CLCA1: variants seen among roughly 807,000 people sequenced by gnomAD.
CLCA1 encodes chloride channel accessory 1.
A neutral mutation model predicts 85.6 loss-of-function variants in CLCA1; 59 were observed. The observed-to-expected ratio is 0.69, with a 90% CI of 0.56 to 0.86. CLCA1 has a LOEUF of 0.86. Ranked by LOEUF, CLCA1 falls within the 40% of genes least tolerant of loss-of-function variation. The pLI, the probability that CLCA1 is intolerant of heterozygous loss-of-function variation, is 0.00. For synonymous variants in CLCA1, 396 were observed against 398.3 expected (o/e 0.99, Z 0.07); for missense variants, 1,022 against 1,101.4 (o/e 0.93, Z 1.02).
rs1039015841 is a variant in CLCA1, at chr1:86,469,408, G to A, written c.162+275G>A. Among the ~76,000 whole-genome samples the A allele has an allele frequency of 2.6e-5, 4 of 152,194 alleles. No homozygotes were observed. In the East Asian group the frequency reaches 7.7e-4, roughly 29 times the overall value. ...ATGTACTGCTGTGGATTATGTCACT[G>A]AAAATTATTTAGTTCTATAGTAAGG... On this transcript the variant is annotated intron_variant, in intron 1 of 13. Coordinates refer to ENST00000394711, the MANE Select transcript of CLCA1 (RefSeq NM_001285.4).
intron 1 of CLCA1, among the ~76,000 whole-genome samples, chr1:86,472,124 TC>T (rs1386087627): frequency 6.6e-6 from 1 of 152,168 alleles, no homozygotes; most frequent in African/African-American, 2.4e-5. Flanking sequence ...TGCCTATTTC[TC>T]CATTCCCCTT....
intron 12 of CLCA1, among the ~76,000 whole-genome samples, chr1:86,498,201 A>G (rs1267232263): frequency 7.3e-6 from 1 of 137,130 alleles, no homozygotes; most frequent in African/African-American, 2.9e-5. Flanking sequence ...GAAGGAAGGA[A>G]GGAAGGAAAA....
intron 3 of CLCA1, among the ~76,000 whole-genome samples, chr1:86,474,964 C>T (rs1647604343): frequency 6.6e-6 from 1 of 152,132 alleles, no homozygotes; most frequent in African/African-American, 2.4e-5. Context: ...AACAAAAGAA[C>T]GCTATCCAAG....
In CLCA1 at chr1:86,485,502, T is replaced by A; in HGVS notation, c.895T>A (p.Leu299Met). 1.9e-6 allele frequency: 3 copies of A among 1,614,170 alleles called. No homozygotes were observed. Among genetic ancestry groups the A allele is most frequent in the Non-Finnish European group, 2.5e-6 (3 of 1,180,024 alleles). ...ACAGCCACCAAATCCCACCTTCTCA[T>A]TGCTGCAGATTGGACAAAGAATTGT... ...TTQPPNPTFS[L>M]LQIGQRIVCL... The change falls in exon 6 of 14, where the codon TTG becomes ATG. Residue 299 changes from leucine (L) to methionine (M), a missense_variant. Physicochemically the swap from Leu to Met is conservative, Grantham distance 15. Transcript: ENST00000394711.
chr1:86,473,970 T>C, intron 3 of CLCA1, 94 bp downstream of exon 3: 2 of 844,832 alleles, frequency 2.4e-6, no homozygotes, highest in Non-Finnish European at 1.7e-6. Flanking sequence ...TAAGCATGTA[T>C]AAGCCAAACA....
chr1:86,476,481 G>A lies in CLCA1; in HGVS notation c.485G>A (p.Arg162Gln), dbSNP rs773390299. 17 of 1,605,244 alleles carry A rather than the reference G, an allele frequency of 1.1e-5. No homozygotes were observed. In the East Asian group the frequency reaches 1.3e-4, roughly 13 times the overall value. The stretch of plus-strand genomic sequence containing the variant: ...TTTGTCCATGAGTGGGCTCATCTAC[G>A]ATGGGGAGTATTTGACGAGTACAAT... The part of the protein sequence containing the change: ...RAFVHEWAHL[R>Q]WGVFDEYNND... The change falls in exon 4 of 14, where the codon CGA becomes CAA. Residue 162 changes from arginine (R) to glutamine (Q), a missense_variant. Transcript: ENST00000394711.
At chr1:86,482,023 A>G (rs1273298958) in intron 4 of CLCA1, among the ~76,000 whole-genome samples, 182 bp from the exon 5 acceptor site, 2 of 152,218 alleles carry the variant, frequency 1.3e-5, no homozygotes, top group African/African-American at 4.8e-5. Flanking sequence ...CCCCTCAGAT[A>G]CTTTCTGGCA....
At chr1:86,495,841 G>C (rs561502895) in intron 12 of CLCA1, among the ~76,000 whole-genome samples, 166 bp downstream of exon 12, 4 of 152,268 alleles carry the variant, frequency 2.6e-5, no homozygotes, top group Admixed American at 2.0e-4. Flanking sequence ...GGGCTATCCT[G>C]CACATTGTGG....
chr1:86,498,851 C>T (rs1225526349), intron 13 of CLCA1, 40 bp downstream of exon 13: 2 of 1,581,682 alleles, frequency 1.3e-6, no homozygotes, highest in Admixed American at 3.5e-5. Flanking sequence ...AAGAGTTTAC[C>T]AGCCAAGTAG....
At chr1:86,476,038 C>T (rs1647628164) in intron 3 of CLCA1, among the ~76,000 whole-genome samples, 2 of 152,112 alleles carry the variant, frequency 1.3e-5, no homozygotes, top group African/African-American at 4.8e-5. Context: ...GGATAGGAGC[C>T]ATGAGGGAGG....
chr1:86,477,691 T>A (rs1647706173), intron 4 of CLCA1, among the ~76,000 whole-genome samples: 1 of 152,152 alleles, frequency 6.6e-6, no homozygotes, highest in South Asian at 2.1e-4. Context: ...AACAAACATA[T>A]TAAAGCCAAG....
intron 1 of CLCA1, among the ~76,000 whole-genome samples, chr1:86,471,702 G>A (rs1323864579): frequency 6.6e-6 from 1 of 152,060 alleles, no homozygotes; most frequent in African/African-American, 2.4e-5. Flanking sequence ...CTCTCCTAGT[G>A]AGTGTTAAAA....
Position 86,494,311 on chromosome 1 carries a change from G to T in CLCA1, c.1805G>T (p.Ser602Ile). 1.2e-6 allele frequency: 2 copies of T among 1,614,144 alleles called. No individual in the cohort carries two copies. Among genetic ancestry groups the T allele is most frequent in the Non-Finnish European group, 1.7e-6 (2 of 1,180,026 alleles). The change falls in exon 11 of 14, where the codon AGC becomes ATC. Residue 602 changes from serine to isoleucine, a missense_variant. Ser to Ile is a moderately radical substitution (Grantham distance 142). Coordinates refer to ENST00000394711, the MANE Select transcript of CLCA1 (RefSeq NM_001285.4). ...ACTTCCAAAACGAACAAGGACACCA[G>T]CAAATTCCCCAGCCCTCTGGTAGTT... ...TVTSKTNKDT[S>I]KFPSPLVVYA... is the part of the protein sequence containing the mutation.
intron 4 of CLCA1, among the ~76,000 whole-genome samples, chr1:86,476,766 A>G (rs1378976465): frequency 6.6e-6 from 1 of 150,690 alleles, no homozygotes; most frequent in Non-Finnish European, 1.5e-5. Context: ...GCTAGAAGTC[A>G]TTTGCCTCCT....
At chr1:86,494,545 G>T (rs964438473) in intron 11 of CLCA1, 97 bp downstream of exon 11, 95 of 1,305,722 alleles carry the variant, frequency 7.3e-5, no homozygotes, top group Non-Finnish European at 9.2e-5. Flanking sequence ...AGTTAGACAG[G>T]CAAGGCAGCA....
In CLCA1 at chr1:86,488,940, A is replaced by T. The variant is rs1319736216; in HGVS notation, c.1183-56A>T. On this transcript the variant is annotated intron_variant, in intron 7 of 13. Coordinates refer to ENST00000394711, the MANE Select transcript of CLCA1 (RefSeq NM_001285.4). ...CTCCTTTCCTGTAAGCAGAATTTTC[A>T]TAAACACTTTGGCCACCCTAAGTCT... 2.7e-6 allele frequency: 4 copies of T among 1,467,498 alleles called. No homozygotes were observed. In the East Asian group the frequency reaches 6.9e-5, roughly 25 times the overall value. The allele number at this position is 1,467,498 out of a possible 1,614,324, so 90.9% of individuals were successfully genotyped here.
intron 4 of CLCA1, among the ~76,000 whole-genome samples, chr1:86,480,959 G>T (rs1647801168): frequency 6.6e-6 from 1 of 152,162 alleles, no homozygotes; most frequent in Non-Finnish European, 1.5e-5. Context: ...ATTACTCAGG[G>T]AATCAATCAC....
At chr1:86,498,186 GGA>G (rs1648350600) in intron 12 of CLCA1, among the ~76,000 whole-genome samples, 1 of 76,272 alleles carries the variant, frequency 1.3e-5, no homozygotes, top group Non-Finnish European at 3.1e-5. Context: ...AAGGAAGGAA[GGA>G]TGGAAGGAAG....
chr1:86,470,779 G>C (rs553256463), intron 1 of CLCA1, among the ~76,000 whole-genome samples: 1 of 152,092 alleles, frequency 6.6e-6, no homozygotes, highest in Admixed American at 6.5e-5. Context: ...GAGGGACCTC[G>C]TTGAGGGCTT....
Sources: gnomAD v4.1 joint callset for allele counts (sites outside exome capture counted in the v4.1 genomes callset) on GRCh38, gnomAD v4.1.1 for gene constraint, MANE v1.5 for transcripts, NCBI Gene and HGNC (gene_info 2026-07-23, HGNC 2026-07-21) for gene names.